Variants in DNAH14 observed in about 807,000 individuals in gnomAD.
DNAH14 encodes the protein axonemal beta dynein heavy chain 14.
In DNAH14, 478 loss-of-function variants were observed where a neutral mutation model predicts 520.9. That is an observed-to-expected ratio of 0.92 (90% CI 0.85 to 0.99). The LOEUF (loss-of-function observed/expected upper bound fraction) is 0.99, where lower values mean the gene tolerates loss of function less well. Among genes scored for constraint, DNAH14 ranks in the 50% least tolerant of loss-of-function variants. The pLI is 0.00. For missense variants in DNAH14, 4,831 were observed against 5,234.5 expected (o/e 0.92, Z 2.38); for synonymous variants, 1,581 against 1,757.2 (o/e 0.90, Z 2.51).
chr1:225,291,249 T>C (rs7526883), intron 55 of DNAH14, among the ~76,000 whole-genome samples: 6,277 of 152,222 alleles, frequency 0.041, 426 homozygotes, highest in African/African-American at 0.14. Flanking sequence ...ATATTTTCTT[T>C]AGTCATTCAT....
chr1:225,247,302 T>G (rs61849966), intron 43 of DNAH14, among the ~76,000 whole-genome samples: 48,272 of 151,728 alleles, frequency 0.32, 8,886 homozygotes, highest in East Asian at 0.6. Context: ...AGATGATGGT[T>G]TTGATGGAAG....
chr1:225,004,636 A>G (rs985940260), intron 9 of DNAH14, among the ~76,000 whole-genome samples: 5 of 152,182 alleles, frequency 3.3e-5, no homozygotes, highest in Admixed American at 6.6e-5. Flanking sequence ...TATGAGGGCA[A>G]TTTACAAGAA....
chr1:225,126,221 GA>G (rs1046530991), intron 27 of DNAH14, among the ~76,000 whole-genome samples: 1 of 152,010 alleles, frequency 6.6e-6, no homozygotes, highest in Non-Finnish European at 1.5e-5. Context: ...CATACTATTG[GA>G]AAAAATGACA....
At chr1:225,011,993 A>C (rs2064812438) in intron 10 of DNAH14, among the ~76,000 whole-genome samples, 1 of 152,036 alleles carries the variant, frequency 6.6e-6, no homozygotes, top group South Asian at 2.1e-4. Flanking sequence ...TCTTGTCATT[A>C]TGATGCTAGC....
At chr1:225,052,977 G>C (rs1300145330) in intron 17 of DNAH14, among the ~76,000 whole-genome samples, 1 of 152,138 alleles carries the variant, frequency 6.6e-6, no homozygotes, top group African/African-American at 2.4e-5. Flanking sequence ...TCATGCACTG[G>C]TTATCATATC....
intron 50 of DNAH14, 28 bp from the exon 51 acceptor site, chr1:225,271,878 A>T: frequency 6.5e-7 from 1 of 1,528,528 alleles, no homozygotes; most frequent in Non-Finnish European, 8.8e-7. Context: ...ATTTTTGGCA[A>T]GCTAAATTAT....
intron 8 of DNAH14, among the ~76,000 whole-genome samples, chr1:224,977,704 G>A (rs927417710): frequency 1.3e-5 from 2 of 152,168 alleles, no homozygotes; most frequent in African/African-American, 2.4e-5. Context: ...TATCTGCGCA[G>A]CAAAGGAAAT....
At position 225,168,022 on chromosome 1, in the gene DNAH14, A is replaced by T; in HGVS notation, c.5529A>T (p.Gln1843His). Residue 1843 changes from glutamine to histidine, a missense_variant, in exon 36 of 86, where the codon CAA (glutamine) becomes CAT (histidine). Transcript: ENST00000682510. ...AGAAGATTATACAGTTTTATAATCA[A>T]CTTCAGGTAAGTATAAAATGGCATG... ...QKEKIIQFYN[Q>H]LQVCVGVMLV... The T allele has an allele frequency of 1.3e-6, 2 of 1,511,004 alleles. No individual in the cohort carries two copies. The highest frequency in any genetic ancestry group is 1.8e-6 in the Non-Finnish European group (2 of 1,119,318). The allele number at this position is 1,511,004 out of a possible 1,614,324, so 93.6% of individuals were successfully genotyped here. A position where few individuals can be genotyped will look rare whatever the true frequency, so the allele number is the denominator to read the frequency against.
At chr1:224,956,465 C>T (rs1222862874) in intron 3 of DNAH14, among the ~76,000 whole-genome samples, 2 of 152,030 alleles carry the variant, frequency 1.3e-5, no homozygotes, top group Non-Finnish European at 2.9e-5. Context: ...GTATTCAGTA[C>T]AGAAACGTGC....
At chr1:225,371,760 G>C (rs2150652648) in intron 77 of DNAH14, among the ~76,000 whole-genome samples, 1 of 152,184 alleles carries the variant, frequency 6.6e-6, no homozygotes, top group Admixed American at 6.5e-5. Flanking sequence ...AAGCCTCCCT[G>C]GTAGTAAACA....
At chr1:225,073,219 G>C (rs182332533) in intron 17 of DNAH14, among the ~76,000 whole-genome samples, 4 of 152,274 alleles carry the variant, frequency 2.6e-5, no homozygotes, top group Non-Finnish European at 4.4e-5. Flanking sequence ...CCATGTTTTT[G>C]TGGGGGTGTT....
intron 18 of DNAH14, among the ~76,000 whole-genome samples, 186 bp downstream of exon 18, chr1:225,079,734 C>T (rs1007682517): frequency 2.6e-4 from 34 of 130,280 alleles, no homozygotes; most frequent in African/African-American, 3.7e-4. Flanking sequence ...ACTGCAGTGG[C>T]GCAATCTCGG....
chr1:225,136,089 A>G (rs2078931374), intron 27 of DNAH14, among the ~76,000 whole-genome samples: 1 of 151,992 alleles, frequency 6.6e-6, no homozygotes, highest in South Asian at 2.1e-4. Context: ...TATACTGATG[A>G]GGCTTGACTC....
intron 44 of DNAH14, among the ~76,000 whole-genome samples, chr1:225,254,360 A>T (rs765782458): frequency 3.3e-5 from 5 of 152,184 alleles, no homozygotes; most frequent in Non-Finnish European, 5.9e-5. Context: ...AAAATCCTGA[A>T]ATACCTGACA....
chr1:225,087,824 C>T (rs375157156), intron 21 of DNAH14, among the ~76,000 whole-genome samples: 22 of 152,256 alleles, frequency 1.4e-4, no homozygotes, highest in African/African-American at 5.1e-4. Flanking sequence ...ATCAATGACA[C>T]GTGAAACTGC....
intron 54 of DNAH14, among the ~76,000 whole-genome samples, chr1:225,287,497 T>G (rs575313120): frequency 6.6e-6 from 1 of 152,304 alleles, no homozygotes; most frequent in South Asian, 2.1e-4. Context: ...AAAATGATCA[T>G]GTAGTAACAG....
intron 77 of DNAH14, among the ~76,000 whole-genome samples, chr1:225,372,349 T>C (rs937903072): frequency 6.6e-6 from 1 of 152,170 alleles, no homozygotes; most frequent in African/African-American, 2.4e-5. Flanking sequence ...AAATCCACTA[T>C]ACTAAAATCA....
chr1:224,937,712 A>G (rs2059132910), intron 1 of DNAH14, among the ~76,000 whole-genome samples: 1 of 152,126 alleles, frequency 6.6e-6, no homozygotes, highest in Admixed American at 6.5e-5. Flanking sequence ...TAAAATTTGT[A>G]TGGAACCACA....
intron 66 of DNAH14, among the ~76,000 whole-genome samples, chr1:225,335,143 A>G (rs894263783): frequency 5.7e-5 from 8 of 141,046 alleles, no homozygotes; most frequent in African/African-American, 2.1e-4. Flanking sequence ...GCATGTGCAC[A>G]TGTGTACATG....
Sources: allele counts gnomAD v4.1 joint callset (sites outside exome capture counted in the v4.1 genomes callset), GRCh38; gene constraint gnomAD v4.1.1; transcripts MANE v1.5; gene names NCBI Gene and HGNC (gene_info 2026-07-23, HGNC 2026-07-21).